Variants in CRAMP1 observed in about 807,000 individuals in gnomAD.
CRAMP1 encodes protein cramped-like.
Under a neutral mutation model 115.4 loss-of-function variants are expected in CRAMP1, and 50 were observed. The ratio of observed to expected loss-of-function variants is 0.43; its 90% CI spans 0.35 to 0.55. The LOEUF (loss-of-function observed/expected upper bound fraction) is 0.55. Among genes scored for constraint, CRAMP1 ranks in the 20% least tolerant of loss-of-function variants. CRAMP1 has a pLI of 0.01. For missense variants in CRAMP1, 1,679 were observed against 1,721.7 expected (o/e 0.98, Z 0.44); for synonymous variants, 866 against 745.4 (o/e 1.16, Z -2.64).
rs2036877514 is a variant in CRAMP1 at position 1,666,505 on chromosome 16, A to G, written c.2941A>G (p.Ile981Val). 1.2e-6 allele frequency: 2 copies of G among 1,613,842 alleles called. No homozygotes were observed. The highest frequency in any genetic ancestry group is 8.5e-7 in the Non-Finnish European group (1 of 1,179,844). The change falls in exon 16 of 21, where the codon ATC becomes GTC. Residue 981 changes from isoleucine to valine, a missense_variant. This residue lies in a region of CRAMP1 where 709 missense variants were observed against 741.9 expected (regional missense o/e 0.96). Coordinates refer to ENST00000397412, the MANE Select transcript of CRAMP1 (RefSeq NM_020825.4). The surrounding 1 kb of genome is among the most constrained non-coding windows in gnomAD (Gnocchi z 5.0). ...CTTGGACACCGAGGGCTTGTCTGGCATCTCTCCACTGTCTTCAGACGAGGT... is the reference window on the plus strand; with the variant it reads ...CTTGGACACCGAGGGCTTGTCTGGCGTCTCTCCACTGTCTTCAGACGAGGT... ...PALDTEGLSG[I>V]SPLSSDEVTG...
intron 18 of CRAMP1, 66 bp downstream of exon 18, chr16:1,668,259 C>A: frequency 1.7e-6 from 2 of 1,166,282 alleles, no homozygotes; most frequent in Non-Finnish European, 2.6e-6. Flanking sequence ...CCAATGTTTG[C>A]CACACTTCCT....
At chr16:1,620,925 A>T (rs2036460911) in intron 2 of CRAMP1, among the ~76,000 whole-genome samples, 1 of 146,660 alleles carries the variant, frequency 6.8e-6, no homozygotes, top group Non-Finnish European at 1.5e-5. Flanking sequence ...CCCCCATTTC[A>T]TTTTTTTTTT....
chr16:1,624,437 A>G (rs1596482854), intron 2 of CRAMP1, among the ~76,000 whole-genome samples: 1 of 149,894 alleles, frequency 6.7e-6, no homozygotes, highest in East Asian at 2.0e-4. Context: ...TTTTGGAGAC[A>G]GGGTCTCGCT....
intron 5 of CRAMP1, among the ~76,000 whole-genome samples, 152 bp downstream of exon 5, chr16:1,638,059 C>T (rs2036602571): frequency 6.6e-6 from 1 of 152,202 alleles, no homozygotes; most frequent in Admixed American, 6.5e-5. Flanking sequence ...CGGCCGTGCT[C>T]TTTAGCTTAG....
chr16:1,641,394 G>A (rs971957728), intron 6 of CRAMP1, among the ~76,000 whole-genome samples: 4 of 152,208 alleles, frequency 2.6e-5, no homozygotes, highest in Admixed American at 2.6e-4. Flanking sequence ...GGGAGGGAAG[G>A]AAGTGCCGTC....
At chr16:1,654,609 C>T (rs1383291268) in intron 8 of CRAMP1, among the ~76,000 whole-genome samples, 4 of 152,282 alleles carry the variant, frequency 2.6e-5, no homozygotes, top group South Asian at 2.1e-4. Flanking sequence ...ATTTTCATGA[C>T]GCTAGAAGAG....
chr16:1,670,936 C>T (rs1015367862), intron 20 of CRAMP1, 127 bp downstream of exon 20: 5 of 826,582 alleles, frequency 6.0e-6, no homozygotes, highest in South Asian at 1.7e-5. Context: ...GGAGACAGCA[C>T]GTCCACACTC....
intron 11 of CRAMP1, among the ~76,000 whole-genome samples, chr16:1,661,179 G>T (rs2036826079): frequency 6.6e-6 from 1 of 152,138 alleles, no homozygotes; most frequent in Non-Finnish European, 1.5e-5. Context: ...AAAAGTAGTT[G>T]AATGTTGGGG....
At chr16:1,673,143 C>T (rs981033007) in intron 20 of CRAMP1, among the ~76,000 whole-genome samples, 2 of 152,084 alleles carry the variant, frequency 1.3e-5, no homozygotes, top group Non-Finnish European at 2.9e-5. Flanking sequence ...AACGTGCCCC[C>T]AGCTGTCCTC....
chr16:1,632,383 C>T lies in CRAMP1; in HGVS notation c.694+18C>T. 6.4e-7 allele frequency: 1 copy of T among 1,573,354 alleles called. No homozygotes were observed. ...TGATCATGGTGAGTGTGCCACGGGC[C>T]AGGCTCGGGGGTGCCCACAGGCAGG... is the stretch of plus-strand genomic sequence containing the variant. On this transcript the variant is annotated intron_variant, in intron 4 of 20. Coordinates refer to ENST00000397412, the MANE Select transcript of CRAMP1 (RefSeq NM_020825.4).
In CRAMP1 at chr16:1,632,120, C is replaced by G. The variant is rs992385975; in HGVS notation, c.541-92C>G. On this transcript the variant is annotated intron_variant, in intron 3 of 20. Coordinates refer to ENST00000397412, the MANE Select transcript of CRAMP1 (RefSeq NM_020825.4). ...TGTTTGACTACAGCCTGTCTCCTTT[C>G]TCCTTTCTCGGAACCTTGGAAAGGG... 5.1e-6 allele frequency: 7 copies of G among 1,366,298 alleles called. No homozygotes were observed. The African/African-American group carries it at 1.0e-4, about 20-fold the overall frequency. The allele number at this position is 1,366,298 out of a possible 1,614,324, so 84.6% of individuals were successfully genotyped here.
At chr16:1,655,778 A>G in intron 9 of CRAMP1, 99 bp from the exon 10 acceptor site, 1 of 1,336,172 alleles carries the variant, frequency 7.5e-7, no homozygotes, top group Non-Finnish European at 1.0e-6. Context: ...ACCCTGGGGG[A>G]TGCCAGTGGG....
At chr16:1,617,887 A>T (rs181109727) in intron 2 of CRAMP1, among the ~76,000 whole-genome samples, 9 of 152,234 alleles carry the variant, frequency 5.9e-5, no homozygotes, top group African/African-American at 2.2e-4. Flanking sequence ...GGCATCTTGC[A>T]TGTCTGTAAT....
chr16:1,666,741 A>C lies in CRAMP1; in HGVS notation c.3036+141A>C. 1 of 764,786 alleles carries C rather than the reference A, an allele frequency of 1.3e-6. No homozygotes were observed. The highest frequency in any genetic ancestry group is 2.4e-5 in the Admixed American group (1 of 40,836). 47.4% of individuals were successfully genotyped at this position (764,786 alleles called of 1,614,324 possible). Reference sequence around the variant, plus strand: ...GACCAGGGGTGCCATGGCATAAGCAAACTCTGTGTAGTACAGAGCAGGAGA... The same window carrying C: ...GACCAGGGGTGCCATGGCATAAGCACACTCTGTGTAGTACAGAGCAGGAGA... On this transcript the variant is annotated intron_variant, in intron 16 of 20. Transcript: ENST00000397412. This position sits in a 1 kb window ranked among gnomAD's most constrained non-coding sequence, Gnocchi z 5.0.
intron 13 of CRAMP1, among the ~76,000 whole-genome samples, chr16:1,664,507 G>A (rs964667718): frequency 6.6e-6 from 1 of 152,172 alleles, no homozygotes; most frequent in Non-Finnish European, 1.5e-5. Context: ...GGCCAGGCAC[G>A]GTGGCTCGCA....
At chr16:1,651,124 G>C (rs898085467) in intron 6 of CRAMP1, among the ~76,000 whole-genome samples, 1 of 151,686 alleles carries the variant, frequency 6.6e-6, no homozygotes, top group Non-Finnish European at 1.5e-5. Context: ...CACAGGTCAT[G>C]GAAAGGTAGA....
In CRAMP1 at chr16:1,672,067, A is replaced by G. The variant is rs1017456075; in HGVS notation, c.3645+1258A>G. On this transcript the variant is annotated intron_variant, in intron 20 of 20. Coordinates refer to ENST00000397412, the MANE Select transcript of CRAMP1 (RefSeq NM_020825.4). The surrounding 1 kb of genome is among the most constrained non-coding windows in gnomAD (Gnocchi z 4.9). ...TTCCTAAGTGCTGGGCTCTGTGGAG[A>G]TGGGCGCTGCGTACGTGCCCTGAGG... Among the ~76,000 whole-genome samples, 1 of 152,060 alleles carries G rather than the reference A, an allele frequency of 6.6e-6. No individual in the cohort carries two copies. The highest frequency in any genetic ancestry group is 2.4e-5 in the African/African-American group (1 of 41,400).
In CRAMP1 at chr16:1,632,360, A is replaced by G; in HGVS notation, c.689A>G (p.Asp230Gly). The G allele has an allele frequency of 6.3e-7, 1 of 1,590,126 alleles. No individual in the cohort carries two copies. The highest frequency in any genetic ancestry group is 8.6e-7 in the Non-Finnish European group (1 of 1,168,808). The change falls in exon 4 of 21, where the codon GAT (aspartate) becomes GGT (glycine). Residue 230 changes from aspartate (D) to glycine (G), a missense_variant. By Grantham distance (94) the Asp-to-Gly change is moderately conservative (BLOSUM62 -1). Transcript: ENST00000397412. ...AAGATCACCAAGTACATCGACTTTG[A>G]TCATGGTGAGTGTGCCACGGGCCAG... is the stretch of plus-strand genomic sequence containing the variant. ...WHKITKYIDF[D>G]HVFSRGLKKS...
chr16:1,651,316 A>C (rs2036720691), intron 6 of CRAMP1, among the ~76,000 whole-genome samples: 1 of 151,488 alleles, frequency 6.6e-6, no homozygotes, highest in African/African-American at 2.4e-5. Context: ...GGAGAGGTCG[A>C]CTGAGAGGTC....
Sources: allele counts gnomAD v4.1 joint callset (sites outside exome capture counted in the v4.1 genomes callset), GRCh38; gene constraint gnomAD v4.1.1; regional missense constraint gnomAD v4.1.1; non-coding constraint Gnocchi (gnomAD v3.1); transcripts MANE v1.5; gene names NCBI Gene and HGNC (gene_info 2026-07-23, HGNC 2026-07-21).